DIAPH2: variants seen among roughly 807,000 people sequenced by gnomAD.
The protein encoded by DIAPH2 is protein diaphanous homolog 2.
DIAPH2 carries 35 observed loss-of-function variants against 92.7 expected under a neutral mutation model. The observed-to-expected ratio is 0.38, with a 90% CI of 0.29 to 0.50. The LOEUF (loss-of-function observed/expected upper bound fraction) is 0.50. Among genes scored for constraint, DIAPH2 ranks in the 20% least tolerant of loss-of-function variants. The pLI is 0.94. For missense variants in DIAPH2, 701 were observed against 819.5 expected, an observed-to-expected ratio of 0.86 and a Z score of 1.77; for synonymous variants, 301 against 280.4, an observed-to-expected ratio of 1.07 and a Z score of -0.73.
At chrX:97,194,361 A>G (rs1389277222) in intron 22 of DIAPH2, among the ~76,000 whole-genome samples, 4 of 104,903 alleles carry the variant, frequency 3.8e-5, no homozygotes, top group Non-Finnish European at 7.8e-5. Context: ...GGCTCACTGC[A>G]CGCTCCGCCT....
intron 26 of DIAPH2, among the ~76,000 whole-genome samples, chrX:97,537,820 A>G (rs914111365): frequency 1.8e-5 from 2 of 111,113 alleles, no homozygotes; most frequent in African/African-American, 6.5e-5. Flanking sequence ...AGCCTTGATC[A>G]GTGGCTTGAC....
At chrX:97,348,019 G>A in intron 23 of DIAPH2, 97 bp from the exon 24 acceptor site, 4 of 827,766 alleles carry the variant, frequency 4.8e-6, no homozygotes, top group East Asian at 3.5e-5. Flanking sequence ...CATTACTAAT[G>A]TATTTATAGA....
At chrX:97,439,257 G>C (rs963422897) in intron 26 of DIAPH2, among the ~76,000 whole-genome samples, 31 of 111,145 alleles carry the variant, frequency 2.8e-4, no homozygotes, top group African/African-American at 9.8e-4. Context: ...GGGCGACCTT[G>C]TCTCTACAAA....
intron 15 of DIAPH2, among the ~76,000 whole-genome samples, chrX:96,949,670 C>T (rs1436816300): frequency 9.5e-5 from 9 of 95,234 alleles, no homozygotes; most frequent in Non-Finnish European, 1.3e-4. Flanking sequence ...TGTGAAACCC[C>T]GCCTCCACTA....
intron 26 of DIAPH2, among the ~76,000 whole-genome samples, chrX:97,532,383 ACTT>A (rs1354531475): frequency 1.8e-5 from 2 of 112,608 alleles, no homozygotes; most frequent in Non-Finnish European, 3.7e-5. Flanking sequence ...GAGCTGTAAA[ACTT>A]CTACTTTTCA....
chrX:96,778,768 T>C (rs892674449), intron 4 of DIAPH2, among the ~76,000 whole-genome samples: 8 of 111,983 alleles, frequency 7.1e-5, no homozygotes, highest in Non-Finnish European at 1.5e-4. Flanking sequence ...ACACTTATTT[T>C]GCAAAATGTT....
intron 25 of DIAPH2, among the ~76,000 whole-genome samples, chrX:97,426,571 T>C (rs1045122926): frequency 2.7e-5 from 3 of 110,690 alleles, no homozygotes; most frequent in Non-Finnish European, 5.7e-5. Context: ...ATTACAGGTG[T>C]GAGCCACTGT....
intron 16 of DIAPH2, among the ~76,000 whole-genome samples, chrX:96,964,117 A>G (rs182574981): frequency 9.0e-6 from 1 of 111,390 alleles, no homozygotes; most frequent in Admixed American, 9.6e-5. Context: ...CCATTTACCC[A>G]GACAACCATC....
rs113869757 is a variant in DIAPH2, at chrX:96,848,236, C to G, written c.448-33343C>G. On this transcript the variant is annotated intron_variant, in intron 4 of 26. Transcript: ENST00000324765. ...AAAAATTTTTTTGTAGAGTTGGGGTCTCGCTTTGTTGCCAGGCTGATCTTG... is the reference window on the plus strand; with the variant it reads ...AAAAATTTTTTTGTAGAGTTGGGGTGTCGCTTTGTTGCCAGGCTGATCTTG... Among the ~76,000 whole-genome samples the G allele has an allele frequency of 4.2e-3, 465 of 110,473 alleles. 2 individuals carry two copies. Among genetic ancestry groups the G allele is most frequent in the Non-Finnish European group, 5.8e-3 (308 of 52,872 alleles).
chrX:97,438,674 A>T (rs2070220701), intron 26 of DIAPH2, among the ~76,000 whole-genome samples: 1 of 110,388 alleles, frequency 9.1e-6, no homozygotes, highest in African/African-American at 3.3e-5. Flanking sequence ...ACCACGCCAC[A>T]CCAAGAGCCA....
intron 26 of DIAPH2, among the ~76,000 whole-genome samples, chrX:97,534,764 A>G (rs1174208337): frequency 9.0e-6 from 1 of 111,619 alleles, no homozygotes; most frequent in East Asian, 2.8e-4. Flanking sequence ...TTAAGTCTCT[A>G]ATGCCTTTTG....
rs187183362 is a variant in DIAPH2, at chrX:97,334,015, C to T, written c.2845-14101C>T. 1.5e-3 allele frequency among the ~76,000 whole-genome samples: 170 copies of T among 111,491 alleles called. 2 individuals carry two copies. The Middle Eastern group carries it at 0.023, about 15-fold the overall frequency. ...CCTAAAAACAGGTAAGGTCATGTTA[C>T]TCCTCTGATTAAAAATATTGATAAC... is the stretch of plus-strand genomic sequence containing the variant. On this transcript the variant is annotated intron_variant, in intron 23 of 26. Transcript: ENST00000324765.
intron 19 of DIAPH2, among the ~76,000 whole-genome samples, chrX:97,079,234 A>G (rs2066725353): frequency 9.0e-6 from 1 of 110,917 alleles, no homozygotes; most frequent in African/African-American, 3.3e-5. Context: ...AGACAACATG[A>G]ATGCTGAGCT....
At chrX:97,335,815 C>T (rs1029466554) in intron 23 of DIAPH2, among the ~76,000 whole-genome samples, 1 of 111,656 alleles carries the variant, frequency 9.0e-6, no homozygotes, top group East Asian at 2.8e-4. Flanking sequence ...TTAATTTAGG[C>T]ACCATTTTTT....
chrX:96,860,944 C>T lies in DIAPH2; in HGVS notation c.448-20635C>T, dbSNP rs781769822. ...TTAATGACTTATAAAAAATTCTCCCCGGACTTTATGGGGTAAAAGGAAAAT... is the reference window on the plus strand; with the variant it reads ...TTAATGACTTATAAAAAATTCTCCCTGGACTTTATGGGGTAAAAGGAAAAT... On this transcript the variant is annotated intron_variant, in intron 4 of 26. Coordinates refer to ENST00000324765, the MANE Select transcript of DIAPH2 (RefSeq NM_006729.5). Among the ~76,000 whole-genome samples, 8 of 111,417 alleles carry T rather than the reference C, an allele frequency of 7.2e-5. No homozygotes were observed. In the South Asian group the frequency reaches 3.0e-3, roughly 42 times the overall value.
chrX:97,284,502 C>T lies in DIAPH2; in HGVS notation c.2844+36663C>T, dbSNP rs1016114420. Among the ~76,000 whole-genome samples the T allele has an allele frequency of 1.3e-4, 14 of 108,560 alleles. No individual in the cohort carries two copies. The East Asian group carries it at 1.7e-3, about 13-fold the overall frequency. The allele number at this position is 108,560 out of a possible 115,157, so 94.3% of individuals were successfully genotyped here. On this transcript the variant is annotated intron_variant, in intron 23 of 26. Coordinates refer to ENST00000324765, the MANE Select transcript of DIAPH2 (RefSeq NM_006729.5). ...GTGCATGCCTGTAATCCCAGCTACT[C>T]GGGAGGCTAAGGTAAGAGAATCGCT...
intron 20 of DIAPH2, among the ~76,000 whole-genome samples, chrX:97,106,405 C>G (rs1287145014): frequency 1.8e-5 from 2 of 111,395 alleles, no homozygotes; most frequent in Non-Finnish European, 3.8e-5. Context: ...ATTCTTATCC[C>G]TCTTACTAAC....
intron 19 of DIAPH2, among the ~76,000 whole-genome samples, chrX:97,083,431 A>AAGTGC (rs1175834782): frequency 8.9e-6 from 1 of 112,295 alleles, no homozygotes; most frequent in Non-Finnish European, 1.9e-5. Context: ...AGTATTTAGC[A>AAGTGC]AGTGCTGAAA....
At chrX:96,698,892 T>A (rs1230139028) in intron 1 of DIAPH2, among the ~76,000 whole-genome samples, 1 of 108,042 alleles carries the variant, frequency 9.3e-6, no homozygotes, top group African/African-American at 3.4e-5. Flanking sequence ...CATGCCCCAC[T>A]AAATTTTTTT....
Sources: gnomAD v4.1 joint callset for allele counts (sites outside exome capture counted in the v4.1 genomes callset) on GRCh38, gnomAD v4.1.1 for gene constraint, MANE v1.5 for transcripts, NCBI Gene and HGNC (gene_info 2026-07-23, HGNC 2026-07-21) for gene names.